KIAA0232: variants seen among roughly 807,000 people sequenced by gnomAD.
KIAA0232 encodes KIAA0232.
A neutral mutation model predicts 122.0 loss-of-function variants in KIAA0232; 27 were observed. The ratio of observed to expected loss-of-function variants is 0.22; its 90% CI spans 0.16 to 0.31. The LOEUF (loss-of-function observed/expected upper bound fraction) is 0.31. Among genes scored for constraint, KIAA0232 ranks in the 10% least tolerant of loss-of-function variants. KIAA0232 has a pLI of 1.00. For synonymous variants in KIAA0232, 613 were observed against 587.6 expected (o/e 1.04, Z -0.63); for missense variants, 1,551 against 1,634.2 (o/e 0.95, Z 0.88).
At chr4:6,874,144 C>A (rs1005409307) in intron 8 of KIAA0232, among the ~76,000 whole-genome samples, 2 of 152,234 alleles carry the variant, frequency 1.3e-5, no homozygotes, top group African/African-American at 4.8e-5. Context: ...AGTCTGCCCC[C>A]TGCTGGCCTT....
At chr4:6,832,341 A>T (rs1719031093) in intron 3 of KIAA0232, among the ~76,000 whole-genome samples, 1 of 146,682 alleles carries the variant, frequency 6.8e-6, no homozygotes, top group Non-Finnish European at 1.5e-5. Flanking sequence ...TAATTCATGA[A>T]GTTGGGGCCT....
intron 2 of KIAA0232, among the ~76,000 whole-genome samples, chr4:6,810,365 G>C (rs1717821628): frequency 6.6e-6 from 1 of 152,140 alleles, no homozygotes; most frequent in African/African-American, 2.4e-5. Flanking sequence ...GGAAAAATTG[G>C]ATTGCCCTGT....
At chr4:6,860,793 T>G in intron 6 of KIAA0232, 108 bp from the exon 7 acceptor site, 1 of 927,158 alleles carries the variant, frequency 1.1e-6, no homozygotes, top group Non-Finnish European at 1.7e-6. Context: ...GATGTGAATG[T>G]TGACACTACT....
intron 2 of KIAA0232, among the ~76,000 whole-genome samples, chr4:6,811,687 C>T (rs905250427): frequency 1.3e-5 from 2 of 151,676 alleles, no homozygotes; most frequent in South Asian, 2.1e-4. Flanking sequence ...TCAAACAGTC[C>T]GTCCGCCTCG....
At chr4:6,853,639 G>C (rs1720412800) in intron 4 of KIAA0232, among the ~76,000 whole-genome samples, 1 of 152,300 alleles carries the variant, frequency 6.6e-6, no homozygotes, top group South Asian at 2.1e-4. Flanking sequence ...CAGTCTAAAT[G>C]AACCCTCCAT....
intron 1 of KIAA0232, among the ~76,000 whole-genome samples, chr4:6,804,104 C>T (rs1423936521): frequency 1.3e-5 from 2 of 152,204 alleles, no homozygotes; most frequent in Non-Finnish European, 2.9e-5. Context: ...ATAAGATAAA[C>T]ATCACAGCTA....
intron 7 of KIAA0232, among the ~76,000 whole-genome samples, chr4:6,864,959 C>T (rs1000309017): frequency 6.6e-6 from 1 of 152,084 alleles, no homozygotes; most frequent in African/African-American, 2.4e-5. Flanking sequence ...CATTGTGGTA[C>T]ATGTAGAAAT....
intron 2 of KIAA0232, among the ~76,000 whole-genome samples, chr4:6,822,558 C>T (rs1390657756): frequency 1.3e-5 from 2 of 152,014 alleles, no homozygotes; most frequent in Admixed American, 1.3e-4. Flanking sequence ...AGGAGGTTTA[C>T]CTTTCATTAC....
intron 2 of KIAA0232, among the ~76,000 whole-genome samples, chr4:6,807,246 T>G (rs1321985054): frequency 4.6e-5 from 7 of 152,160 alleles, no homozygotes; most frequent in Admixed American, 4.6e-4. Context: ...ATTAACCAAA[T>G]CTGTTACAGG....
chr4:6,857,122 A>T, intron 4 of KIAA0232, 42 bp from the exon 5 acceptor site: 2 of 1,491,246 alleles, frequency 1.3e-6, no homozygotes, highest in Non-Finnish European at 1.8e-6. Context: ...TGATTTGTAC[A>T]TACCTGGCTG....
chr4:6,819,723 C>T (rs1013404903), intron 2 of KIAA0232, among the ~76,000 whole-genome samples: 1 of 152,120 alleles, frequency 6.6e-6, no homozygotes, highest in African/African-American at 2.4e-5. Flanking sequence ...ACAGAACTAC[C>T]ATTTGACCCA....
intron 3 of KIAA0232, among the ~76,000 whole-genome samples, chr4:6,837,509 G>T (rs1719382159): frequency 6.6e-6 from 1 of 152,222 alleles, no homozygotes; most frequent in South Asian, 2.1e-4. Flanking sequence ...TCCTAGACGG[G>T]GTGGCGGCCA....
chr4:6,847,331 A>T (rs570414562), intron 4 of KIAA0232, among the ~76,000 whole-genome samples: 40 of 152,304 alleles, frequency 2.6e-4, no homozygotes, highest in Non-Finnish European at 4.0e-4. Flanking sequence ...CATACTTGTG[A>T]TACTACACCG....
At chr4:6,822,831 G>C (rs964460476) in intron 2 of KIAA0232, among the ~76,000 whole-genome samples, 2 of 150,414 alleles carry the variant, frequency 1.3e-5, no homozygotes, top group Non-Finnish European at 3.0e-5. Flanking sequence ...ACAGTGTGCA[G>C]GTTAGTTACA....
At chr4:6,787,241 C>T (rs1577350045) in intron 1 of KIAA0232, among the ~76,000 whole-genome samples, 1 of 148,632 alleles carries the variant, frequency 6.7e-6, no homozygotes, top group African/African-American at 2.5e-5. Flanking sequence ...CAAGAGATTA[C>T]ATGCTTTTTC....
rs1285712748 is a variant in KIAA0232 at position 6,855,109 on chromosome 4, G to A, written c.370-2055G>A. Among the ~76,000 whole-genome samples the A allele has an allele frequency of 1.3e-5, 2 of 150,810 alleles. No individual in the cohort carries two copies. Among genetic ancestry groups the A allele is most frequent in the South Asian group, 4.2e-4 (2 of 4,756 alleles). On this transcript the variant is annotated intron_variant, in intron 4 of 9. Coordinates refer to ENST00000307659, the MANE Select transcript of KIAA0232 (RefSeq NM_014743.3). This position sits in a 1 kb window ranked among gnomAD's most constrained non-coding sequence, Gnocchi z 4.3. Reference sequence around the variant, plus strand: ...TATTTTTTTTTATTTTTTTGAGACCGAGTCTCGCTCTGTTGCCCAGGCTGG... The same window carrying A: ...TATTTTTTTTTATTTTTTTGAGACCAAGTCTCGCTCTGTTGCCCAGGCTGG...
intron 2 of KIAA0232, among the ~76,000 whole-genome samples, chr4:6,813,686 T>A (rs557901748): frequency 6.6e-6 from 1 of 152,232 alleles, no homozygotes; most frequent in South Asian, 2.1e-4. Flanking sequence ...TTTCTCCCCC[T>A]TAATGGACAA....
intron 2 of KIAA0232, among the ~76,000 whole-genome samples, chr4:6,818,588 A>G (rs1433887634): frequency 6.6e-6 from 1 of 152,042 alleles, no homozygotes; most frequent in Non-Finnish European, 1.5e-5. Context: ...ACTAATGGAA[A>G]AATATTTCAT....
At chr4:6,816,030 CA>C (rs1294742950) in intron 2 of KIAA0232, among the ~76,000 whole-genome samples, 1 of 152,142 alleles carries the variant, frequency 6.6e-6, no homozygotes, top group Non-Finnish European at 1.5e-5. Context: ...AAAACTAAAA[CA>C]ATATATCAGT....
Sources: gnomAD v4.1 joint callset for allele counts (sites outside exome capture counted in the v4.1 genomes callset) on GRCh38, gnomAD v4.1.1 for gene constraint, Gnocchi (gnomAD v3.1) non-coding constraint, MANE v1.5 for transcripts, NCBI Gene and HGNC (gene_info 2026-07-23, HGNC 2026-07-21) for gene names.